RANGAP1: variants seen among roughly 807,000 people sequenced by gnomAD.
RANGAP1 encodes ran GTPase-activating protein 1.
Under a neutral mutation model 63.5 loss-of-function variants are expected in RANGAP1, and 38 were observed. The observed-to-expected ratio is 0.60, with a 90% CI of 0.46 to 0.78. The LOEUF (loss-of-function observed/expected upper bound fraction) is 0.78. Ranked by LOEUF, RANGAP1 falls within the 30% of genes least tolerant of loss-of-function variation. The probability of loss-of-function intolerance (pLI) is 0.00; values close to 1 mark genes in which losing one functional copy is unlikely to be tolerated. For missense variants in RANGAP1, 630 were observed against 740.3 expected (o/e 0.85, Z 1.73); for synonymous variants, 329 against 310.5 (o/e 1.06, Z -0.63).
chr22:41,248,282 T>TCTGC lies in RANGAP1; in HGVS notation c.1694+1044_1694+1047dup, dbSNP rs539535067. Among the ~76,000 whole-genome samples, 450 of 152,320 alleles carry TCTGC rather than the reference T, an allele frequency of 3.0e-3. 4 individuals are homozygous for TCTGC. Among genetic ancestry groups the TCTGC allele is most frequent in the Non-Finnish European group, 5.2e-3 (353 of 68,030 alleles). On this transcript the variant is annotated intron_variant, in intron 15 of 15. Transcript: ENST00000356244. ...CTGGCAGAGGAGGGGAACAGTGAGA[T>TCTGC]CTGCCATTCACCAAGGCCAGTCCAG...
intron 3 of RANGAP1, among the ~76,000 whole-genome samples, chr22:41,273,766 CAAA>C (rs71200678): frequency 8.2e-5 from 2 of 24,354 alleles, no homozygotes; most frequent in African/African-American, 1.6e-4. Flanking sequence ...GACTCCATCT[CAAA>C]AAAAAAAAAA....
At chr22:41,274,834 A>T in intron 2 of RANGAP1, 107 bp from the exon 3 acceptor site, 1 of 1,371,866 alleles carries the variant, frequency 7.3e-7, no homozygotes, top group African/African-American at 1.4e-5. Flanking sequence ...TGGTGCACCT[A>T]CCATGCAATG....
Position 41,257,013 on chromosome 22 carries a change from C to T in RANGAP1, c.775-189G>A, listed in dbSNP as rs193081294. Among the ~76,000 whole-genome samples the T allele has an allele frequency of 7.9e-5, 12 of 152,086 alleles. No homozygotes were observed. The East Asian group carries it at 1.7e-3, about 22-fold the overall frequency. On this transcript the variant is annotated intron_variant, in intron 7 of 15. Coordinates refer to ENST00000356244, the MANE Select transcript of RANGAP1 (RefSeq NM_002883.4). The surrounding 1 kb of genome is among the most constrained non-coding windows in gnomAD (Gnocchi z 4.0). ...CCTGGCCAAACCTCCTCCACCCCTC[C>T]CCATGTTACGGCCAGAACTCTTCCT...
At chr22:41,288,084 C>G (rs993558043), upstream of RANGAP1, among the ~76,000 whole-genome samples, 2 of 152,204 alleles carry the variant, frequency 1.3e-5, no homozygotes, top group Non-Finnish European at 2.9e-5. Context: ...AAGTGGGCAT[C>G]ATTACCACCC....
chr22:41,252,404 G>A (rs184325529), intron 12 of RANGAP1, among the ~76,000 whole-genome samples: 5 of 152,328 alleles, frequency 3.3e-5, no homozygotes, highest in African/African-American at 1.2e-4. Flanking sequence ...CAAATGCAGT[G>A]CCTGGCAGAA....
At chr22:41,260,264 G>T (rs867971296) in intron 6 of RANGAP1, among the ~76,000 whole-genome samples, 20 of 152,194 alleles carry the variant, frequency 1.3e-4, no homozygotes, top group African/African-American at 4.8e-4. Context: ...ACCTATGAAG[G>T]CTCAACACAA....
chr22:41,290,094 T>C (rs2035820299), upstream of RANGAP1, among the ~76,000 whole-genome samples: 2 of 147,854 alleles, frequency 1.4e-5, no homozygotes, highest in Admixed American at 6.8e-5. Flanking sequence ...CAGTGAGCCA[T>C]GGTCAGGCCA....
At chr22:41,297,727 A>G in the RANGAP1 span, among the ~76,000 whole-genome samples, 50 of 122,670 alleles carry the variant, frequency 4.1e-4, no homozygotes, top group Non-Finnish European at 4.6e-4. Context: ...GTCTTGCTCT[A>G]TCGCCCAAGC....
chr22:41,293,555 G>T, the RANGAP1 span, among the ~76,000 whole-genome samples: 1 of 151,768 alleles, frequency 6.6e-6, no homozygotes, highest in Non-Finnish European at 1.5e-5. Flanking sequence ...CGAGGTGGGC[G>T]GATCACAGGT....
At position 41,266,022 on chromosome 22, in the gene RANGAP1, G is replaced by A. The variant is rs185854756; in HGVS notation, c.301-1179C>T. Among the ~76,000 whole-genome samples, 1,453 of 152,206 alleles carry A rather than the reference G, an allele frequency of 9.5e-3. 63 individuals carry two copies. Among genetic ancestry groups the A allele is most frequent in the Admixed American group, 0.079 (1,204 of 15,274 alleles). The stretch of plus-strand genomic sequence containing the variant: ...TCGAGACCATCCTGGCTAACACAGT[G>A]AAACCCCATCTCTACTAAAAATACA... On this transcript the variant is annotated intron_variant, in intron 4 of 15. Transcript: ENST00000356244.
At chr22:41,255,240 G>A (rs1157800578) in intron 10 of RANGAP1, among the ~76,000 whole-genome samples, 1 of 152,178 alleles carries the variant, frequency 6.6e-6, no homozygotes, top group African/African-American at 2.4e-5. Context: ...GGGACAGTGG[G>A]ACCTGTGAGG....
rs542460235 is a variant in RANGAP1 at position 41,261,402 on chromosome 22, T to C, written c.615+44A>G. 1.8e-5 allele frequency: 29 copies of C among 1,612,582 alleles called. No individual in the cohort carries two copies. In the East Asian group the frequency reaches 6.2e-4, roughly 35 times the overall value. On this transcript the variant is annotated intron_variant, in intron 6 of 15. Coordinates refer to ENST00000356244, the MANE Select transcript of RANGAP1 (RefSeq NM_002883.4). The stretch of plus-strand genomic sequence containing the variant: ...AGAACTGTCAGCCTACTATGCCGAG[T>C]GCACCTCAAGGCTGCAGGGGCAGGA...
At chr22:41,298,771 T>C in the RANGAP1 span, among the ~76,000 whole-genome samples, 2 of 152,058 alleles carry the variant, frequency 1.3e-5, no homozygotes, top group Non-Finnish European at 2.9e-5. Flanking sequence ...AGTGTTGGGA[T>C]TTTGGGTGTA....
chr22:41,279,245 G>A (rs899985141), intron 2 of RANGAP1, among the ~76,000 whole-genome samples: 1 of 152,100 alleles, frequency 6.6e-6, no homozygotes, highest in Non-Finnish European at 1.5e-5. Context: ...TGAGGCGGGC[G>A]AATCACCTGA....
In RANGAP1 at chr22:41,246,138, G is replaced by T; in HGVS notation, c.*465C>A. 1 of 171,230 alleles carries T rather than the reference G, an allele frequency of 5.8e-6. No homozygotes were observed. Among genetic ancestry groups the T allele is most frequent in the Admixed American group, 5.7e-5 (1 of 17,418 alleles). The allele number at this position is 171,230 out of a possible 1,614,324, so 10.6% of individuals were successfully genotyped here. A position where few individuals can be genotyped will look rare whatever the true frequency, so the allele number is the denominator to read the frequency against. On this transcript the variant is annotated 3_prime_UTR_variant, in exon 16 of 16. Coordinates refer to ENST00000356244, the MANE Select transcript of RANGAP1 (RefSeq NM_002883.4). ...CAGGACCAGGGCTTGGTGACGAGAA[G>T]CAGCCCCAGGCAGGGCAGGAAACAA...
chr22:41,258,384 C>T (rs1259822366), intron 6 of RANGAP1, among the ~76,000 whole-genome samples: 2 of 152,204 alleles, frequency 1.3e-5, no homozygotes, highest in African/African-American at 2.4e-5. Flanking sequence ...TCCAGCAGGT[C>T]GATTTCTTGT....
chr22:41,268,109 G>T lies in RANGAP1; in HGVS notation c.288C>A (p.Ile96=). Residue 96 remains isoleucine (I), a synonymous_variant, in exon 4 of 16, where the codon ATC becomes ATA. Transcript: ENST00000356244. The stretch of plus-strand genomic sequence containing the variant: ...CTAGTTCGCTTACCAGGGCTGGTGG[G>T]ATCTCGGTCCGCAGCCTTCCCGTGA... ...DMFTGRLRTE[I]PPALISLGEG... is the part of the protein sequence containing the mutation. 6.4e-7 allele frequency: 1 copy of T among 1,557,310 alleles called. No homozygotes were observed. The highest frequency in any genetic ancestry group is 8.7e-7 in the Non-Finnish European group (1 of 1,149,304).
chr22:41,294,022 TCCTCTCCCTCTCCTTCTC>T, the RANGAP1 span, among the ~76,000 whole-genome samples: 14 of 134,646 alleles, frequency 1.0e-4, no homozygotes, highest in African/African-American at 3.6e-4. Flanking sequence ...AAAAATCTAC[TCCTCTCCCTCTCCTTCTC>T]CCTCTCCCTC....
In RANGAP1 at chr22:41,258,031, C is replaced by T. The variant is rs762720276; in HGVS notation, c.691G>A (p.Ala231Thr). The change falls in exon 7 of 16, where the codon GCT becomes ACT. Residue 231 changes from alanine to threonine, a missense_variant. Around this residue, in one of 3 missense-constraint regions of RANGAP1, gnomAD observed 428 missense variants for 465.5 expected, o/e 0.92. Transcript: ENST00000356244. Reference protein sequence around the residue: ...NHPGITALAQAFAVNPLLRVI... With the variant: ...NHPGITALAQTFAVNPLLRVI... Reference sequence around the variant, plus strand: ...CGCAGCAGGGGGTTGACAGCGAAAGCCTGGGCCAGGGCAGTGATGCCAGGG... The same window carrying T: ...CGCAGCAGGGGGTTGACAGCGAAAGTCTGGGCCAGGGCAGTGATGCCAGGG... The T allele has an allele frequency of 1.2e-6, 2 of 1,613,182 alleles. No individual in the cohort carries two copies. Among genetic ancestry groups the T allele is most frequent in the Non-Finnish European group, 1.7e-6 (2 of 1,179,520 alleles).
Sources: allele counts gnomAD v4.1 joint callset (sites outside exome capture counted in the v4.1 genomes callset), GRCh38; gene constraint gnomAD v4.1.1; regional missense constraint gnomAD v4.1.1; non-coding constraint Gnocchi (gnomAD v3.1); transcripts MANE v1.5; gene names NCBI Gene and HGNC (gene_info 2026-07-23, HGNC 2026-07-21).